Variants in OR1J2 observed in about 807,000 individuals in gnomAD.
OR1J2 encodes olfactory receptor family 1 subfamily J member 2.
For synonymous variants in OR1J2, 142 were observed against 99.7 expected (o/e 1.42, Z -2.52); for missense variants, 304 against 246.1 (o/e 1.24, Z -1.57).
the OR1J2 span, among the ~76,000 whole-genome samples, chr9:122,537,917 G>A: frequency 6.6e-6 from 1 of 152,102 alleles, no homozygotes; most frequent in South Asian, 2.1e-4. Flanking sequence ...AAGTGATGAG[G>A]GCTGGGCATC....
At chr9:122,453,602 C>G in the OR1J2 span, among the ~76,000 whole-genome samples, 4 of 152,150 alleles carry the variant, frequency 2.6e-5, no homozygotes, top group Admixed American at 2.6e-4. Context: ...CTGTTCAGTT[C>G]AAGTATCCCA....
chr9:122,491,875 A>G, the OR1J2 span, among the ~76,000 whole-genome samples: 1 of 152,292 alleles, frequency 6.6e-6, no homozygotes, highest in East Asian at 1.9e-4. Flanking sequence ...GAGTGAAGGC[A>G]AAACAAATTT....
the OR1J2 span, chr9:122,578,468 C>T: frequency 6.9e-6 from 1 of 145,592 alleles, no homozygotes; most frequent in African/African-American, 2.5e-5. Context: ...AAAAAAAAGA[C>T]ATCATTATAT....
the OR1J2 span, among the ~76,000 whole-genome samples, chr9:122,549,479 A>G: frequency 6.6e-6 from 1 of 152,042 alleles, no homozygotes; most frequent in Admixed American, 6.6e-5. Flanking sequence ...TTCTTCTAGG[A>G]TTTGTATAGT....
the OR1J2 span, among the ~76,000 whole-genome samples, chr9:122,520,489 T>C: frequency 6.6e-6 from 1 of 152,160 alleles, no homozygotes; most frequent in African/African-American, 2.4e-5. Context: ...TTGTTGCTGA[T>C]GGTGGTGGGT....
At chr9:122,579,101 A>G in the OR1J2 span, among the ~76,000 whole-genome samples, 1 of 152,142 alleles carries the variant, frequency 6.6e-6, no homozygotes, top group African/African-American at 2.4e-5. Context: ...TATATGTACA[A>G]GGATAGTACA....
the OR1J2 span, among the ~76,000 whole-genome samples, chr9:122,528,551 T>G: frequency 1.9e-4 from 29 of 152,156 alleles, no homozygotes; most frequent in Non-Finnish European, 4.3e-4. Context: ...TGAGCCGAGA[T>G]CATGCCATTG....
chr9:122,490,418 T>C, the OR1J2 span, among the ~76,000 whole-genome samples: 1 of 152,236 alleles, frequency 6.6e-6, no homozygotes, highest in African/African-American at 2.4e-5. Context: ...TGGCTTGTTA[T>C]ATCTGCATTG....
At chr9:122,480,145 C>G in the OR1J2 span, among the ~76,000 whole-genome samples, 1 of 152,114 alleles carries the variant, frequency 6.6e-6, no homozygotes, top group African/African-American at 2.4e-5. Context: ...TAACATATCA[C>G]AGCTTGTTAC....
At chr9:122,571,856 C>G in the OR1J2 span, among the ~76,000 whole-genome samples, 1 of 151,988 alleles carries the variant, frequency 6.6e-6, no homozygotes, top group Non-Finnish European at 1.5e-5. Flanking sequence ...TAGGCTGATT[C>G]CTGATGTTTT....
chr9:122,509,395 G>C (rs140382120), upstream of OR1J2, among the ~76,000 whole-genome samples: 1 of 152,160 alleles, frequency 6.6e-6, no homozygotes, highest in Non-Finnish European at 1.5e-5. Context: ...TATTGCCTAG[G>C]GAGGAAAGGG....
the OR1J2 span, among the ~76,000 whole-genome samples, chr9:122,469,934 CAA>C: frequency 6.6e-6 from 1 of 152,120 alleles, no homozygotes; most frequent in African/African-American, 2.4e-5. Flanking sequence ...GCAAAGCACT[CAA>C]GAGGTGACTG....
At chr9:122,526,354 A>G in the OR1J2 span, 1 of 1,470,226 alleles carries the variant, frequency 6.8e-7, no homozygotes, top group Non-Finnish European at 9.0e-7. Flanking sequence ...TGCTGTCACC[A>G]CATCTAAGAG....
chr9:122,515,748 A>G (rs1172155809), downstream of OR1J2, among the ~76,000 whole-genome samples: 1 of 152,194 alleles, frequency 6.6e-6, no homozygotes, highest in Non-Finnish European at 1.5e-5. Context: ...ATGTTTAGCT[A>G]GAGAGCTTTG....
the OR1J2 span, among the ~76,000 whole-genome samples, chr9:122,552,071 T>TCA: frequency 5.6e-4 from 66 of 117,080 alleles, no homozygotes; most frequent in African/African-American, 8.5e-4. Flanking sequence ...TCTCTCTCTC[T>TCA]CTCTCTCTCA....
chr9:122,480,703 A>G, the OR1J2 span, among the ~76,000 whole-genome samples: 159 of 152,248 alleles, frequency 1.0e-3, 1 homozygote, highest in Admixed American at 8.7e-3. Context: ...ATATGTATAC[A>G]TCATCACCCA....
chr9:122,513,986 A>T (rs1828669706), downstream of OR1J2, among the ~76,000 whole-genome samples: 1 of 152,224 alleles, frequency 6.6e-6, no homozygotes, highest in African/African-American at 2.4e-5. Flanking sequence ...TCTTAAGTAG[A>T]TATGTATGTA....
At chr9:122,557,559 C>T in the OR1J2 span, among the ~76,000 whole-genome samples, 1 of 152,042 alleles carries the variant, frequency 6.6e-6, no homozygotes, top group East Asian at 1.9e-4. Context: ...ATAAATCCCA[C>T]TTGGATATGG....
chr9:122,485,463 G>A, the OR1J2 span, among the ~76,000 whole-genome samples: 931 of 152,184 alleles, frequency 6.1e-3, 7 homozygotes, highest in African/African-American at 0.022. Context: ...AGATTATCTG[G>A]GTTAGTTTTG....
Sources: gnomAD v4.1 joint callset for allele counts (sites outside exome capture counted in the v4.1 genomes callset) on GRCh38, gnomAD v4.1.1 for gene constraint, MANE v1.5 for transcripts, NCBI Gene and HGNC (gene_info 2026-07-23, HGNC 2026-07-21) for gene names.